The following DAB1 variants were observed in gnomAD, a reference collection of about 807,000 sequenced individuals.
DAB1 encodes DAB adaptor protein 1.
In DAB1, 15 loss-of-function variants were observed where a neutral mutation model predicts 64.6. The ratio of observed to expected loss-of-function variants is 0.23; its 90% CI spans 0.16 to 0.36. DAB1 has a LOEUF of 0.36. DAB1 is among the 10% of genes least tolerant of loss of function. The pLI, the probability that DAB1 is intolerant of heterozygous loss-of-function variation, is 1.00. For missense variants in DAB1, 596 were observed against 706.7 expected, an observed-to-expected ratio of 0.84 and a Z score of 1.78; for synonymous variants, 235 against 251.9, an observed-to-expected ratio of 0.93 and a Z score of 0.64.
chr1:57,329,578 A>G (rs548902823), intron 1 of DAB1, among the ~76,000 whole-genome samples: 1 of 142,198 alleles, frequency 7.0e-6, no homozygotes, highest in Non-Finnish European at 1.5e-5. Context: ...ATTCTTTGTT[A>G]TGTCTTGATT....
At chr1:57,777,067 T>A (rs564421152) in intron 6 of DAB1, among the ~76,000 whole-genome samples, 1 of 151,360 alleles carries the variant, frequency 6.6e-6, no homozygotes, top group African/African-American at 2.4e-5. Flanking sequence ...GAAGAAAACT[T>A]TCACAGGATA....
intron 5 of DAB1, among the ~76,000 whole-genome samples, chr1:58,049,629 A>C (rs2100524025): frequency 6.6e-6 from 1 of 152,360 alleles, no homozygotes; most frequent in Non-Finnish European, 1.5e-5. Context: ...ATCCAGACTT[A>C]GATTTGACTC....
At chr1:58,156,472 A>G (rs927401048) in intron 4 of DAB1, among the ~76,000 whole-genome samples, 3 of 152,176 alleles carry the variant, frequency 2.0e-5, no homozygotes, top group Admixed American at 1.3e-4. Context: ...TGTAGACTCA[A>G]TGGAGCAATT....
intron 6 of DAB1, among the ~76,000 whole-genome samples, chr1:57,664,401 A>G (rs923898353): frequency 6.6e-6 from 1 of 152,226 alleles, no homozygotes; most frequent in Non-Finnish European, 1.5e-5. Context: ...TGCTTGGCAC[A>G]TTGCATATTT....
chr1:57,488,330 C>T (rs974091048), intron 7 of DAB1, among the ~76,000 whole-genome samples: 25 of 134,914 alleles, frequency 1.9e-4, no homozygotes, highest in Admixed American at 1.2e-3. Context: ...TGAACCCGGG[C>T]GGGGGAGCTT....
At chr1:57,515,298 T>C (rs1332175389) in intron 7 of DAB1, among the ~76,000 whole-genome samples, 2 of 152,088 alleles carry the variant, frequency 1.3e-5, no homozygotes, top group Non-Finnish European at 2.9e-5. Flanking sequence ...GGGTAAAAAA[T>C]TATAGTGCAG....
chr1:57,629,707 C>T (rs557450212), intron 7 of DAB1, among the ~76,000 whole-genome samples: 1 of 147,874 alleles, frequency 6.8e-6, no homozygotes, highest in Non-Finnish European at 1.5e-5. Flanking sequence ...GTAGTTAGAA[C>T]TTAGATCTCC....
chr1:57,775,451 C>A (rs1649751950), intron 6 of DAB1, among the ~76,000 whole-genome samples: 1 of 151,496 alleles, frequency 6.6e-6, no homozygotes, highest in South Asian at 2.1e-4. Flanking sequence ...TCCCACAAAG[C>A]TGATATGTTG....
chr1:58,449,876 T>C (rs1645113571), intron 3 of DAB1, among the ~76,000 whole-genome samples: 2 of 152,226 alleles, frequency 1.3e-5, no homozygotes, highest in Non-Finnish European at 2.9e-5. Flanking sequence ...TTTTTTGAGA[T>C]AGTAACAATA....
intron 2 of DAB1, among the ~76,000 whole-genome samples, chr1:58,522,588 C>T (rs1303667359): frequency 6.6e-6 from 1 of 150,984 alleles, no homozygotes; most frequent in Non-Finnish European, 1.5e-5. Flanking sequence ...GTACAGTTGA[C>T]CCTTGAACAA....
intron 5 of DAB1, among the ~76,000 whole-genome samples, chr1:57,924,415 G>C (rs1644850151): frequency 6.6e-6 from 1 of 152,126 alleles, no homozygotes. Flanking sequence ...GTGAACCCCT[G>C]AATCTCCTAG....
In DAB1 at chr1:58,225,692, C is replaced by G. The variant is rs189467991; in HGVS notation, n.310-75104G>C. 4.7e-3 allele frequency among the ~76,000 whole-genome samples: 714 copies of G among 151,660 alleles called. 5 individuals are homozygous for G. Among genetic ancestry groups the G allele is most frequent in the African/African-American group, 0.016 (679 of 41,332 alleles). ...ATGGATGAAGCTGGAAACCATCATT[C>G]TCAGCAAACTATCGCAAGGACAAAA... On this transcript the variant is annotated intron_variant and non_coding_transcript_variant, in intron 4 of 20. Transcript: ENST00000485760.
intron 6 of DAB1, among the ~76,000 whole-genome samples, chr1:57,732,237 C>T (rs1458129618): frequency 6.6e-6 from 1 of 152,140 alleles, no homozygotes. Context: ...CTGGAAGATG[C>T]AGATGAAAAC....
At chr1:57,166,409 C>T (rs1339673060) in intron 2 of DAB1, among the ~76,000 whole-genome samples, 2 of 152,166 alleles carry the variant, frequency 1.3e-5, no homozygotes, top group East Asian at 1.9e-4. Context: ...TGTATAACCT[C>T]GAGGAATTTA....
At chr1:57,864,961 T>G (rs896004373) in intron 1 of DAB1, 1 of 152,158 alleles carries the variant, frequency 6.6e-6, no homozygotes, top group Admixed American at 6.6e-5. Context: ...TGCTAGCTAC[T>G]GTAACAAATA....
At chr1:58,307,477 C>T (rs535922857) in intron 4 of DAB1, among the ~76,000 whole-genome samples, 7 of 152,294 alleles carry the variant, frequency 4.6e-5, no homozygotes, top group Non-Finnish European at 1.0e-4. Flanking sequence ...ATATCTAACT[C>T]AGGCTGGGGG....
intron 4 of DAB1, among the ~76,000 whole-genome samples, chr1:58,161,103 C>T (rs150661459): frequency 2.0e-5 from 3 of 152,320 alleles, no homozygotes; most frequent in African/African-American, 7.2e-5. Flanking sequence ...AGAAACGACT[C>T]TCACCAGCAA....
intron 4 of DAB1, chr1:58,228,630 G>C (rs1291652251): frequency 3.6e-6 from 3 of 836,876 alleles, no homozygotes; most frequent in Non-Finnish European, 5.5e-6. Flanking sequence ...CCTTGTGCGA[G>C]GTTCACATGC....
At chr1:58,238,285 AC>A (rs1660138525) in intron 4 of DAB1, among the ~76,000 whole-genome samples, 1 of 152,230 alleles carries the variant, frequency 6.6e-6, no homozygotes, top group Non-Finnish European at 1.5e-5. Flanking sequence ...CCAGGAAGTA[AC>A]AAAGAATGCT....
Sources: gnomAD v4.1 joint callset for allele counts (sites outside exome capture counted in the v4.1 genomes callset) on GRCh38, gnomAD v4.1.1 for gene constraint, MANE v1.5 for transcripts, NCBI Gene and HGNC (gene_info 2026-07-23, HGNC 2026-07-21) for gene names.